The following FSTL5 variants were observed in gnomAD, a reference collection of about 807,000 sequenced individuals.
FSTL5 encodes the protein follistatin-related protein 5.
FSTL5 carries 62 observed loss-of-function variants against 89.1 expected under a neutral mutation model. That is an observed-to-expected ratio of 0.70 (90% CI 0.57 to 0.86). The LOEUF is 0.86. Ranked by LOEUF, FSTL5 falls within the 40% of genes least tolerant of loss-of-function variation. The pLI, the probability that FSTL5 is intolerant of heterozygous loss-of-function variation, is 0.00. For missense variants in FSTL5, 1,057 were observed against 1,001.6 expected (o/e 1.06, Z -0.75); for synonymous variants, 383 against 346.2 (o/e 1.11, Z -1.18).
chr4:161,794,344 A>T lies in FSTL5; in HGVS notation c.410-18270T>A, dbSNP rs186001398. On this transcript the variant is annotated intron_variant, in intron 4 of 15. Transcript: ENST00000306100. ...ATAAGAGGAAAAGCTGAGACTTGAC[A>T]TTAGTTCGGGTGTTAAATCTAGACC... 4.5e-4 allele frequency among the ~76,000 whole-genome samples: 68 copies of T among 152,296 alleles called. No individual in the cohort carries two copies. The East Asian group carries it at 0.01, about 23-fold the overall frequency.
At chr4:161,463,346 TATAAC>T (rs1489388100) in intron 13 of FSTL5, among the ~76,000 whole-genome samples, 2 of 152,164 alleles carry the variant, frequency 1.3e-5, no homozygotes, top group African/African-American at 4.8e-5. Context: ...AAAAAAGTAA[TATAAC>T]ATACTTTATT....
At chr4:161,654,563 A>G (rs1210374213) in intron 7 of FSTL5, among the ~76,000 whole-genome samples, 1 of 152,144 alleles carries the variant, frequency 6.6e-6, no homozygotes, top group Non-Finnish European at 1.5e-5. Flanking sequence ...CAAACTTAGA[A>G]AAGCTCTATC....
chr4:162,136,873 C>T (rs1470581712), intron 1 of FSTL5, among the ~76,000 whole-genome samples: 1 of 151,566 alleles, frequency 6.6e-6, no homozygotes, highest in Non-Finnish European at 1.5e-5. Context: ...TTGGAAACAC[C>T]AAAAGGAAGC....
chr4:161,428,379 A>G (rs1296169775), intron 15 of FSTL5, among the ~76,000 whole-genome samples: 1 of 152,208 alleles, frequency 6.6e-6, no homozygotes, highest in East Asian at 1.9e-4. Context: ...CTAGTGAGAC[A>G]CTGGCCTAGG....
intron 6 of FSTL5, among the ~76,000 whole-genome samples, chr4:161,722,013 C>A (rs572670021): frequency 6.6e-6 from 1 of 151,870 alleles, no homozygotes; most frequent in African/African-American, 2.4e-5. Flanking sequence ...ATAACATCTT[C>A]TTATACATAA....
intron 15 of FSTL5, among the ~76,000 whole-genome samples, chr4:161,419,794 T>A (rs763750174): frequency 3.9e-5 from 6 of 152,198 alleles, no homozygotes; most frequent in Non-Finnish European, 8.8e-5. Flanking sequence ...GTCACTGTTA[T>A]ACCAGTGACC....
chr4:161,929,382 A>G (rs1035548234), intron 3 of FSTL5, among the ~76,000 whole-genome samples: 1 of 151,512 alleles, frequency 6.6e-6, no homozygotes, highest in Non-Finnish European at 1.5e-5. Flanking sequence ...TTTAAAGTAC[A>G]TATTGAAGTC....
chr4:161,849,111 G>A (rs927470942), intron 4 of FSTL5, among the ~76,000 whole-genome samples: 3 of 152,114 alleles, frequency 2.0e-5, no homozygotes, highest in Admixed American at 1.3e-4. Flanking sequence ...ATTTTTACAT[G>A]AATTTTAAAT....
At chr4:161,516,969 A>G (rs966830060) in intron 10 of FSTL5, among the ~76,000 whole-genome samples, 1 of 151,974 alleles carries the variant, frequency 6.6e-6, no homozygotes, top group African/African-American at 2.4e-5. Flanking sequence ...TCTCTGCTCA[A>G]CACAACCTCC....
At chr4:161,415,929 G>GC (rs2110951558) in intron 15 of FSTL5, among the ~76,000 whole-genome samples, 1 of 151,444 alleles carries the variant, frequency 6.6e-6, no homozygotes, top group Non-Finnish European at 1.5e-5. Flanking sequence ...GATAGCCTGC[G>GC]CAGATCATTT....
intron 4 of FSTL5, among the ~76,000 whole-genome samples, chr4:161,804,762 G>C (rs1282609440): frequency 6.6e-6 from 1 of 151,978 alleles, no homozygotes; most frequent in African/African-American, 2.4e-5. Flanking sequence ...GAGAATGTAG[G>C]TAATTACGAA....
intron 13 of FSTL5, among the ~76,000 whole-genome samples, chr4:161,468,837 T>G (rs1718457296): frequency 6.6e-6 from 1 of 152,178 alleles, no homozygotes; most frequent in African/African-American, 2.4e-5. Context: ...TCTGATAGTA[T>G]TAATTGTGAC....
At chr4:162,146,472 A>T (rs1311011495) in intron 1 of FSTL5, among the ~76,000 whole-genome samples, 1 of 152,024 alleles carries the variant, frequency 6.6e-6, no homozygotes, top group African/African-American at 2.4e-5. Flanking sequence ...TAGGCTTTAG[A>T]TTTACAGAAA....
chr4:161,894,832 T>C (rs192578536), intron 4 of FSTL5, among the ~76,000 whole-genome samples: 1 of 152,336 alleles, frequency 6.6e-6, no homozygotes, highest in Non-Finnish European at 1.5e-5. Context: ...CCAGATCCCT[T>C]ATTGTACATG....
chr4:161,917,210 C>A (rs1290293571), intron 4 of FSTL5, among the ~76,000 whole-genome samples: 1 of 152,182 alleles, frequency 6.6e-6, no homozygotes, highest in Non-Finnish European at 1.5e-5. Context: ...CCCGCCTCGG[C>A]CTCCCAAAGT....
chr4:161,974,176 A>G (rs1735564887), intron 3 of FSTL5, among the ~76,000 whole-genome samples: 1 of 152,184 alleles, frequency 6.6e-6, no homozygotes, highest in Non-Finnish European at 1.5e-5. Flanking sequence ...GAAAATGGCC[A>G]TACTGCCCAA....
chr4:161,521,193 T>G (rs17041168), intron 10 of FSTL5, among the ~76,000 whole-genome samples: 6,630 of 152,258 alleles, frequency 0.044, 483 homozygotes, highest in African/African-American at 0.15. Flanking sequence ...TAGGCTTCTA[T>G]TTAGTATAAT....
At chr4:161,461,460 CAAAAAAAAAAAAAAA>C (rs58371125) in intron 13 of FSTL5, among the ~76,000 whole-genome samples, 1 of 45,354 alleles carries the variant, frequency 2.2e-5, no homozygotes, top group African/African-American at 9.4e-5. Flanking sequence ...GACTCCGTCT[CAAAAAAAAAAAAAAA>C]AAAAAAAAAA....
intron 2 of FSTL5, among the ~76,000 whole-genome samples, chr4:162,064,691 T>A (rs1404920718): frequency 6.6e-6 from 1 of 152,010 alleles, no homozygotes; most frequent in African/African-American, 2.4e-5. Flanking sequence ...TATAATTGTG[T>A]GAGCCAATTT....
Sources: gnomAD v4.1 joint callset for allele counts (sites outside exome capture counted in the v4.1 genomes callset) on GRCh38, gnomAD v4.1.1 for gene constraint, MANE v1.5 for transcripts, NCBI Gene and HGNC (gene_info 2026-07-23, HGNC 2026-07-21) for gene names.